MCM4: variants seen among roughly 807,000 people sequenced by gnomAD.
MCM4 encodes DNA replication licensing factor MCM4.
Under a neutral mutation model 88.7 loss-of-function variants are expected in MCM4, and 60 were observed. The observed-to-expected ratio is 0.68, with a 90% CI of 0.55 to 0.84. The LOEUF is 0.84. Among genes scored for constraint, MCM4 ranks in the 40% least tolerant of loss-of-function variants. The pLI, the probability that MCM4 is intolerant of heterozygous loss-of-function variation, is 0.00. For missense variants in MCM4, 1,149 were observed against 1,105.5 expected, an observed-to-expected ratio of 1.04 and a Z score of -0.56; for synonymous variants, 465 against 410.5, an observed-to-expected ratio of 1.13 and a Z score of -1.61.
At chr8:47,972,109 G>A (rs1020251707) in intron 13 of MCM4, among the ~76,000 whole-genome samples, 4 of 151,830 alleles carry the variant, frequency 2.6e-5, no homozygotes, top group Non-Finnish European at 5.9e-5. Context: ...GCGCATGCCT[G>A]TAATCCCAGC....
chr8:47,977,292 A>G lies in MCM4; in HGVS notation c.*514A>G, dbSNP rs911364631. 11 of 151,920 alleles carry G rather than the reference A, an allele frequency of 7.2e-5. No individual in the cohort carries two copies. The highest frequency in any genetic ancestry group is 2.7e-4 in the African/African-American group (11 of 40,888). The allele number at this position is 151,920 out of a possible 1,614,324, so 9.4% of individuals were successfully genotyped here. ...AAAAAAAAAAAAAAAAAAACCTGCCAATTTTCAAACATACCGTAGAGATTA... is the reference window on the plus strand; with the variant it reads ...AAAAAAAAAAAAAAAAAAACCTGCCGATTTTCAAACATACCGTAGAGATTA... On this transcript the variant is annotated 3_prime_UTR_variant, in exon 17 of 17. Coordinates refer to ENST00000649973, the MANE Select transcript of MCM4 (RefSeq NM_182746.3).
chr8:47,975,852 A>G lies in MCM4; in HGVS notation c.2499+4A>G, dbSNP rs1165608368. The G allele has an allele frequency of 6.5e-7, 1 of 1,539,482 alleles. No homozygotes were observed. Among genetic ancestry groups the G allele is most frequent in the Non-Finnish European group, 8.7e-7 (1 of 1,150,940 alleles). On this transcript the variant is annotated splice_donor_region_variant and intron_variant, in intron 16 of 16. Coordinates refer to ENST00000649973, the MANE Select transcript of MCM4 (RefSeq NM_182746.3). ...TATTCGGGGACAATCTGACATAGTAAGTGTTTATATGTATTTTTTGTTTGA... is the reference window on the plus strand; with the variant it reads ...TATTCGGGGACAATCTGACATAGTAGGTGTTTATATGTATTTTTTGTTTGA...
chr8:47,975,083 G>A, intron 15 of MCM4, 121 bp downstream of exon 15: 1 of 742,078 alleles, frequency 1.3e-6, no homozygotes, highest in South Asian at 2.1e-5. Flanking sequence ...ACCTTTTTTG[G>A]ATTAGGACCC....
chr8:47,961,520 G>A lies in MCM4; in HGVS notation c.75G>A (p.Arg25=), dbSNP rs1243480063. The change falls in exon 3 of 17, where the codon CGG becomes CGA. Residue 25 remains arginine, a synonymous_variant. Coordinates refer to ENST00000649973, the MANE Select transcript of MCM4 (RefSeq NM_182746.3). ...TTCTGTTTTGTGTGACACAAGCTCG[G>A]AGTGAGGATGCCAGGTCATCTCCCT... is the stretch of plus-strand genomic sequence containing the variant. ...RGRATPAQTP[R]SEDARSSPSQ... is the part of the protein sequence containing the mutation. 6.2e-7 allele frequency: 1 copy of A among 1,613,994 alleles called. No individual in the cohort carries two copies. Among genetic ancestry groups the A allele is most frequent in the Admixed American group, 1.7e-5 (1 of 60,014 alleles).
In MCM4 at chr8:47,975,733, G is replaced by A. The variant is rs146034877; in HGVS notation, c.2384G>A (p.Arg795His). 3.6e-5 allele frequency: 57 copies of A among 1,572,034 alleles called. 1 individual carries two copies. The highest frequency in any genetic ancestry group is 1.2e-4 in the East Asian group (5 of 43,158). ...AAATCAGGGATGAGTGCCACCTCTC[G>A]TAAACGGAAAGAAGAATTAGCTGAA... ...ILTTGMSATS[R>H]KRKEELAEAL... The change falls in exon 16 of 17, where the codon CGT becomes CAT. Residue 795 changes from arginine (R) to histidine (H), a missense_variant. This residue lies in a region of MCM4 where 238 missense variants were observed against 241.6 expected (regional missense o/e 0.99). Transcript: ENST00000649973.
rs927538791 is a variant in MCM4, at chr8:47,966,328, C to T, written c.974C>T (p.Pro325Leu). 18 of 1,613,870 alleles carry T rather than the reference C, an allele frequency of 1.1e-5. No individual in the cohort carries two copies. The highest frequency in any genetic ancestry group is 1.7e-5 in the Admixed American group (1 of 60,004). ...VEMDRGRIAE[P>L]SVCGRCHTTH... ...ATGGACCGCGGCCGCATTGCAGAGC[C>T]CAGTGTGTGCGGGCGCTGCCACACC... Residue 325 changes from proline (P) to leucine (L), a missense_variant, in exon 9 of 17, where the codon CCC becomes CTC. Around this residue, in one of 3 missense-constraint regions of MCM4, gnomAD observed 906 missense variants for 843.0 expected, o/e 1.07. Coordinates refer to ENST00000649973, the MANE Select transcript of MCM4 (RefSeq NM_182746.3).
At chr8:47,971,889 CAG>C (rs1466419770) in intron 13 of MCM4, among the ~76,000 whole-genome samples, 1 of 151,270 alleles carries the variant, frequency 6.6e-6, no homozygotes, top group Non-Finnish European at 1.5e-5. Context: ...TTTTTTTTGA[CAG>C]AAGTTTTTTT....
At position 47,969,957 on chromosome 8, in the gene MCM4, G is replaced by T. The variant is rs774001229; in HGVS notation, c.1334G>T (p.Arg445Leu). 1 of 1,614,214 alleles carries T rather than the reference G, an allele frequency of 6.2e-7. No homozygotes were observed. The highest frequency in any genetic ancestry group is 1.1e-5 in the South Asian group (1 of 91,086). Residue 445 changes from arginine to leucine, a missense_variant, in exon 11 of 17, where the codon CGT (arginine) becomes CTT (leucine). Physicochemically the swap from Arg to Leu is moderately radical, Grantham distance 102. Transcript: ENST00000649973. Reference protein sequence around the residue: ...EAEQKLFSEKRVELLKELSRK... With the variant: ...EAEQKLFSEKLVELLKELSRK... ...GAACAGAAACTTTTTTCAGAGAAAC[G>T]TGTGGAATTGCTTAAGGAACTTTCC... is the stretch of plus-strand genomic sequence containing the variant.
rs2090883171 is a variant in MCM4 at position 47,964,715 on chromosome 8, A to C, written c.832+3A>C. ...TATGAGAAACCTGAATCCAGAAGGT[A>C]ATGTATTTTTCATAGGATTACTTTT... is the stretch of plus-strand genomic sequence containing the variant. On this transcript the variant is annotated splice_donor_region_variant and intron_variant, in intron 8 of 16. Coordinates refer to ENST00000649973, the MANE Select transcript of MCM4 (RefSeq NM_182746.3). The C allele has an allele frequency of 6.5e-7, 1 of 1,542,174 alleles. No homozygotes were observed. The highest frequency in any genetic ancestry group is 8.7e-7 in the Non-Finnish European group (1 of 1,149,358).
In MCM4 at chr8:47,969,832, A is replaced by G. The variant is rs17287656; in HGVS notation, c.1209A>G (p.Pro403=). 6,131 of 1,614,256 alleles carry G rather than the reference A, an allele frequency of 3.8e-3. 63 individuals are homozygous for G. The highest frequency in any genetic ancestry group is 0.025 in the South Asian group (2,284 of 91,092). ...IYRAVPIRVN[P]RVSNVKSVYK... Reference sequence around the variant, plus strand: ...GAGCTGTGCCTATTCGAGTCAATCCAAGAGTGAGTAATGTGAAGTCTGTCT... The same window carrying G: ...GAGCTGTGCCTATTCGAGTCAATCCGAGAGTGAGTAATGTGAAGTCTGTCT... The change falls in exon 11 of 17, where the codon CCA becomes CCG. Residue 403 remains proline, a synonymous_variant. Transcript: ENST00000649973.
intron 10 of MCM4, among the ~76,000 whole-genome samples, chr8:47,968,536 TG>T (rs1484265930): frequency 6.6e-6 from 1 of 152,212 alleles, no homozygotes; most frequent in Non-Finnish European, 1.5e-5. Context: ...CAAGGGGCTG[TG>T]GAAAGTGCTG....
At chr8:47,961,996 C>A in intron 3 of MCM4, 57 bp from the exon 4 acceptor site, 1 of 1,497,056 alleles carries the variant, frequency 6.7e-7, no homozygotes, top group Non-Finnish European at 9.3e-7. Flanking sequence ...CAACAGACAA[C>A]ATGCTGTAAT....
Position 47,970,559 on chromosome 8 carries a change from A to G in MCM4, c.1483A>G (p.Thr495Ala). 2.5e-6 allele frequency: 4 copies of G among 1,613,716 alleles called. No individual in the cohort carries two copies. Among genetic ancestry groups the G allele is most frequent in the Non-Finnish European group, 3.4e-6 (4 of 1,179,664 alleles). ...FGGTRKDFSH[T>A]GRGKFRAEIN... ...CGGGACAAGGAAGGATTTTAGTCACACTGGAAGGGGCAAATTTCGGGCTGA... is the reference window on the plus strand; with the variant it reads ...CGGGACAAGGAAGGATTTTAGTCACGCTGGAAGGGGCAAATTTCGGGCTGA... Residue 495 changes from threonine (T) to alanine (A), a missense_variant, in exon 12 of 17, where the codon ACT becomes GCT. This residue lies in a region of MCM4 where 906 missense variants were observed against 843.0 expected (regional missense o/e 1.07). Coordinates refer to ENST00000649973, the MANE Select transcript of MCM4 (RefSeq NM_182746.3).
In MCM4 at chr8:47,966,437, T is replaced by G. The variant is rs369286380; in HGVS notation, c.1053+30T>G. The G allele has an allele frequency of 2.6e-5, 41 of 1,569,434 alleles. No individual in the cohort carries two copies. In the African/African-American group the frequency reaches 5.1e-4, roughly 20 times the overall value. On this transcript the variant is annotated intron_variant, in intron 9 of 16. Coordinates refer to ENST00000649973, the MANE Select transcript of MCM4 (RefSeq NM_182746.3). ...GCAGCCACCCTGGCCCCCCAGGCTATGCTTTGCCTGTCTGTATCCTCAAAA... is the reference window on the plus strand; with the variant it reads ...GCAGCCACCCTGGCCCCCCAGGCTAGGCTTTGCCTGTCTGTATCCTCAAAA...
At chr8:47,976,022 T>C (rs2090998040) in intron 16 of MCM4, among the ~76,000 whole-genome samples, 174 bp downstream of exon 16, 1 of 152,134 alleles carries the variant, frequency 6.6e-6, no homozygotes, top group Admixed American at 6.6e-5. Context: ...TTTGGCTGGG[T>C]GCAGTAGCTC....
intron 14 of MCM4, 136 bp from the exon 15 acceptor site, chr8:47,974,598 T>A: frequency 1.4e-6 from 1 of 707,116 alleles, no homozygotes; most frequent in Non-Finnish European, 2.5e-6. Context: ...CTCTACCACT[T>A]GATGAGCTCC....
At position 47,972,243 on chromosome 8, in the gene MCM4, A is replaced by C. The variant is rs564151791; in HGVS notation, c.1929-614A>C. ...AGAGTGAGACTCTGTCTCAAAAAAA[A>C]AAAAAAAAAAAAAACTTTCCATCGT... On this transcript the variant is annotated intron_variant, in intron 13 of 16. Transcript: ENST00000649973. Among the ~76,000 whole-genome samples, 127 of 151,906 alleles carry C rather than the reference A, an allele frequency of 8.4e-4. 1 individual carries two copies. Among genetic ancestry groups the C allele is most frequent in the Non-Finnish European group, 1.6e-3 (106 of 67,954 alleles).
intron 10 of MCM4, 169 bp from the exon 11 acceptor site, chr8:47,969,629 G>A: frequency 1.6e-6 from 1 of 624,322 alleles, no homozygotes; most frequent in Non-Finnish European, 2.8e-6. Context: ...ATGTGGGCCT[G>A]AGTCCTGGGC....
chr8:47,969,536 A>G (rs1475881409), intron 10 of MCM4: 7 of 487,264 alleles, frequency 1.4e-5, no homozygotes, highest in Non-Finnish European at 2.6e-5. Flanking sequence ...AGGATTACAG[A>G]CATGAGCCAC....
Sources: gnomAD v4.1 joint callset for allele counts (sites outside exome capture counted in the v4.1 genomes callset) on GRCh38, gnomAD v4.1.1 for gene constraint, gnomAD v4.1.1 regional missense constraint, MANE v1.5 for transcripts, NCBI Gene and HGNC (gene_info 2026-07-23, HGNC 2026-07-21) for gene names.